ROBO2: variants seen among roughly 807,000 people sequenced by gnomAD.
ROBO2 encodes the protein roundabout guidance receptor 2.
A neutral mutation model predicts 160.8 loss-of-function variants in ROBO2; 53 were observed. The observed-to-expected ratio is 0.33, with a 90% CI of 0.26 to 0.41. The LOEUF (loss-of-function observed/expected upper bound fraction) is 0.41, where lower values mean the gene tolerates loss of function less well. Ranked by LOEUF, ROBO2 falls within the 10% of genes least tolerant of loss-of-function variation. The pLI, the probability that ROBO2 is intolerant of heterozygous loss-of-function variation, is 1.00. For missense variants in ROBO2, 1,577 were observed against 1,722.4 expected, an observed-to-expected ratio of 0.92 and a Z score of 1.49; for synonymous variants, 664 against 611.7, an observed-to-expected ratio of 1.09 and a Z score of -1.26.
At chr3:76,317,317 C>A (rs980310363) in intron 2 of ROBO2, among the ~76,000 whole-genome samples, 2 of 152,088 alleles carry the variant, frequency 1.3e-5, no homozygotes, top group Admixed American at 1.3e-4. Flanking sequence ...ACCTTTGTAA[C>A]GCTGGGAAAT....
intron 2 of ROBO2, among the ~76,000 whole-genome samples, chr3:77,107,209 C>T (rs567210595): frequency 1.1e-4 from 16 of 152,174 alleles, no homozygotes; most frequent in Admixed American, 3.3e-4. Context: ...ATCTTCCAAA[C>T]GCTCCACCTT....
intron 2 of ROBO2, among the ~76,000 whole-genome samples, chr3:76,316,531 C>T (rs970802064): frequency 6.6e-6 from 1 of 152,078 alleles, no homozygotes; most frequent in Non-Finnish European, 1.5e-5. Flanking sequence ...TTATTCTGTT[C>T]TTTTTCAAGG....
chr3:76,115,039 T>C (rs1286653809), intron 2 of ROBO2, among the ~76,000 whole-genome samples: 1 of 152,136 alleles, frequency 6.6e-6, no homozygotes, highest in Non-Finnish European at 1.5e-5. Context: ...TTTAAACAAC[T>C]TTAAACAAGA....
intron 2 of ROBO2, among the ~76,000 whole-genome samples, chr3:76,987,961 C>A (rs759428479): frequency 2.0e-5 from 3 of 151,980 alleles, no homozygotes; most frequent in African/African-American, 7.2e-5. Context: ...CTATAAAGAT[C>A]ATTTGTCATG....
At chr3:77,133,657 A>G (rs1480422297) in intron 2 of ROBO2, among the ~76,000 whole-genome samples, 1 of 152,194 alleles carries the variant, frequency 6.6e-6, no homozygotes, top group African/African-American at 2.4e-5. Flanking sequence ...TTCCTAATGA[A>G]AATTCACCCT....
At chr3:76,016,473 T>C (rs2066408576) in intron 2 of ROBO2, among the ~76,000 whole-genome samples, 1 of 151,842 alleles carries the variant, frequency 6.6e-6, no homozygotes, top group Non-Finnish European at 1.5e-5. Context: ...CGATTGTCAT[T>C]CTCCAATGTC....
Position 76,218,229 on chromosome 3 carries a change from A to C in ROBO2, c.109+280627A>C, listed in dbSNP as rs1406341735. 2.0e-5 allele frequency among the ~76,000 whole-genome samples: 3 copies of C among 152,194 alleles called. No individual in the cohort carries two copies. The East Asian group carries it at 5.8e-4, about 29-fold the overall frequency. ...TCATACTGAATGGACAAAAACTGGAAGCATTCCCTTTAAAAACTGGCACAA... is the reference window on the plus strand; with the variant it reads ...TCATACTGAATGGACAAAAACTGGACGCATTCCCTTTAAAAACTGGCACAA... On this transcript the variant is annotated intron_variant, in intron 2 of 26. Coordinates refer to the ROBO2 transcript ENST00000487694.
intron 6 of ROBO2, among the ~76,000 whole-genome samples, chr3:77,527,961 G>A (rs1313728293): frequency 1.3e-5 from 2 of 151,524 alleles, no homozygotes; most frequent in Non-Finnish European, 3.0e-5. Flanking sequence ...GTGGGGGAGG[G>A]ATAGTGGAGC....
At chr3:76,278,038 C>A (rs1297195304) in intron 2 of ROBO2, among the ~76,000 whole-genome samples, 1 of 151,564 alleles carries the variant, frequency 6.6e-6, no homozygotes, top group East Asian at 1.9e-4. Flanking sequence ...TAATAGCTCA[C>A]CTTAATTGTC....
chr3:76,130,624 T>C (rs1314914496), intron 2 of ROBO2, among the ~76,000 whole-genome samples: 2 of 152,058 alleles, frequency 1.3e-5, no homozygotes, highest in Non-Finnish European at 2.9e-5. Flanking sequence ...CCCACTGATA[T>C]CTTCTTACAT....
At chr3:75,954,773 C>T (rs1246027886) in intron 2 of ROBO2, among the ~76,000 whole-genome samples, 4 of 151,660 alleles carry the variant, frequency 2.6e-5, no homozygotes, top group African/African-American at 4.8e-5. Context: ...CAAGATTTTT[C>T]GAACATTTTT....
At chr3:76,446,744 A>T (rs1479716119) in intron 2 of ROBO2, among the ~76,000 whole-genome samples, 1 of 152,196 alleles carries the variant, frequency 6.6e-6, no homozygotes, top group African/African-American at 2.4e-5. Flanking sequence ...CCACACAGCC[A>T]CAACCATCTG....
At chr3:76,926,158 T>C (rs1467710135) in intron 2 of ROBO2, among the ~76,000 whole-genome samples, 1 of 152,230 alleles carries the variant, frequency 6.6e-6, no homozygotes, top group Non-Finnish European at 1.5e-5. Flanking sequence ...AGCCTCACTG[T>C]ATCTAAATGA....
intron 2 of ROBO2, among the ~76,000 whole-genome samples, chr3:76,072,398 A>C (rs952831796): frequency 6.6e-6 from 1 of 152,154 alleles, no homozygotes; most frequent in Non-Finnish European, 1.5e-5. Context: ...CCAATGCTAT[A>C]TATTTCTTAG....
At chr3:77,527,500 A>T (rs528895015) in intron 6 of ROBO2, 86 bp downstream of exon 7, 1 of 992,452 alleles carries the variant, frequency 1.0e-6, no homozygotes, top group Admixed American at 3.1e-5. Context: ...AGAATGAAAT[A>T]TATTTATTTT....
intron 2 of ROBO2, among the ~76,000 whole-genome samples, chr3:76,356,780 A>G (rs1414903902): frequency 6.6e-6 from 1 of 151,854 alleles, no homozygotes; most frequent in Non-Finnish European, 1.5e-5. Flanking sequence ...ACTTTTATTT[A>G]ATACCCCACT....
chr3:77,621,517 T>C (rs190456400), intron 22 of ROBO2, among the ~76,000 whole-genome samples: 66 of 152,324 alleles, frequency 4.3e-4, no homozygotes, highest in Admixed American at 1.2e-3. Context: ...GAATTATTTA[T>C]TCATTGCAAA....
chr3:77,113,347 A>G (rs1445137451), intron 2 of ROBO2, among the ~76,000 whole-genome samples: 1 of 152,212 alleles, frequency 6.6e-6, no homozygotes, highest in Admixed American at 6.5e-5. Flanking sequence ...AGCTTCTCTC[A>G]AAAGCCTGTT....
At chr3:77,600,280 G>T (rs985341225) in intron 19 of ROBO2, among the ~76,000 whole-genome samples, 1 of 152,166 alleles carries the variant, frequency 6.6e-6, no homozygotes, top group Non-Finnish European at 1.5e-5. Flanking sequence ...ATATTTCGAT[G>T]CTAGAATACA....
Sources: gnomAD v4.1 joint callset for allele counts (sites outside exome capture counted in the v4.1 genomes callset) on GRCh38, gnomAD v4.1.1 for gene constraint, MANE v1.5 for transcripts, NCBI Gene and HGNC (gene_info 2026-07-23, HGNC 2026-07-21) for gene names.